XKR6: variants seen among roughly 807,000 people sequenced by gnomAD.
XKR6 encodes XK-related protein 6.
A neutral mutation model predicts 56.7 loss-of-function variants in XKR6; 22 were observed. That is an observed-to-expected ratio of 0.39 (90% CI 0.28 to 0.55). XKR6 has a LOEUF of 0.55. XKR6 is among the 20% of genes least tolerant of loss of function. The pLI is 0.66. For synonymous variants in XKR6, 524 were observed against 387.8 expected, an observed-to-expected ratio of 1.35 and a Z score of -4.13; for missense variants, 852 against 889.0, an observed-to-expected ratio of 0.96 and a Z score of 0.53.
At chr8:11,006,641 G>C (rs747874568) in intron 1 of XKR6, among the ~76,000 whole-genome samples, 32 of 152,170 alleles carry the variant, frequency 2.1e-4, no homozygotes, top group Non-Finnish European at 1.5e-4. Flanking sequence ...CCAGGGCAGT[G>C]AGGCTTGGTG....
intron 1 of XKR6, among the ~76,000 whole-genome samples, chr8:11,004,630 G>A (rs779980666): frequency 2.6e-5 from 4 of 152,208 alleles, no homozygotes; most frequent in African/African-American, 4.8e-5. Context: ...CTCATCCACA[G>A]TGGAACCCTC....
chr8:11,016,384 C>A (rs999878309), intron 1 of XKR6, among the ~76,000 whole-genome samples: 15 of 152,292 alleles, frequency 9.8e-5, no homozygotes, highest in African/African-American at 3.6e-4. Flanking sequence ...GCCGCGGGGA[C>A]GCCGGGGACT....
In XKR6 at chr8:11,133,144, G is replaced by A. The variant is rs561551232; in HGVS notation, c.764+67432C>T. On this transcript the variant is annotated intron_variant, in intron 1 of 2. Transcript: ENST00000416569. ...CATACAAGGGAGAGGGTGTGGGTAC[G>A]AGGAATTGAAACCTAAACGCACATT... 3.3e-5 allele frequency among the ~76,000 whole-genome samples: 5 copies of A among 152,246 alleles called. No individual in the cohort carries two copies. In the South Asian group the frequency reaches 8.3e-4, roughly 25 times the overall value.
At chr8:11,128,095 G>A (rs1163936022) in intron 1 of XKR6, among the ~76,000 whole-genome samples, 1 of 152,078 alleles carries the variant, frequency 6.6e-6, no homozygotes, top group Admixed American at 6.5e-5. Context: ...AATTAATACG[G>A]GACTAATTAA....
chr8:11,188,529 A>G (rs1803390095), intron 1 of XKR6, among the ~76,000 whole-genome samples: 1 of 152,172 alleles, frequency 6.6e-6, no homozygotes, highest in South Asian at 2.1e-4. Context: ...TCTAGGCCCA[A>G]CCAAAACCAC....
rs376836182 is a variant in XKR6, at chr8:10,966,814, A to T, written c.765-41984T>A. Among the ~76,000 whole-genome samples the T allele has an allele frequency of 5.2e-4, 79 of 152,328 alleles. 2 individuals are homozygous for T. The highest frequency in any genetic ancestry group is 6.8e-3 in the Middle Eastern group (2 of 294). ...AACCCTCCAGGGGATCCTGGGGCGCACTGACGTCTGAGAAGCCGTGGTCTA... is the reference window on the plus strand; with the variant it reads ...AACCCTCCAGGGGATCCTGGGGCGCTCTGACGTCTGAGAAGCCGTGGTCTA... On this transcript the variant is annotated intron_variant, in intron 1 of 2. Coordinates refer to ENST00000416569, the MANE Select transcript of XKR6 (RefSeq NM_173683.4).
chr8:11,022,776 T>C (rs1798775893), intron 1 of XKR6, among the ~76,000 whole-genome samples: 1 of 152,210 alleles, frequency 6.6e-6, no homozygotes, highest in Admixed American at 6.5e-5. Flanking sequence ...GCTGGGTCTT[T>C]TCAACTATAC....
chr8:11,068,690 CAG>C (rs998845660), intron 1 of XKR6, among the ~76,000 whole-genome samples: 1 of 152,174 alleles, frequency 6.6e-6, no homozygotes, highest in African/African-American at 2.4e-5. Flanking sequence ...TGCCTTTCAC[CAG>C]AGAGAGGCTT....
intron 1 of XKR6, among the ~76,000 whole-genome samples, chr8:11,149,983 C>T (rs1019046994): frequency 6.6e-6 from 1 of 152,132 alleles, no homozygotes; most frequent in Non-Finnish European, 1.5e-5. Flanking sequence ...CAAAGAAAGA[C>T]AAATATTGCA....
chr8:11,193,550 G>C (rs1486793887), intron 1 of XKR6, among the ~76,000 whole-genome samples: 2 of 152,040 alleles, frequency 1.3e-5, no homozygotes, highest in East Asian at 1.9e-4. Context: ...AATTCGACTA[G>C]TGTCAAAAGA....
At chr8:11,179,239 C>A (rs1416492930) in intron 1 of XKR6, among the ~76,000 whole-genome samples, 5 of 152,114 alleles carry the variant, frequency 3.3e-5, no homozygotes, top group Non-Finnish European at 5.9e-5. Flanking sequence ...AAGCATCTGG[C>A]TAGAAGACCC....
rs189913486 is a variant in XKR6, at chr8:11,147,521, T to G, written c.764+53055A>C. ...AAATACAAAAATTAGCTGGGTGTGG[T>G]GGCACGTGCCTATAGTCCCAGCTAC... On this transcript the variant is annotated intron_variant, in intron 1 of 2. Transcript: ENST00000416569. Among the ~76,000 whole-genome samples, 23 of 152,112 alleles carry G rather than the reference T, an allele frequency of 1.5e-4. No individual in the cohort carries two copies. In the South Asian group the frequency reaches 4.8e-3, roughly 32 times the overall value.
At chr8:11,040,732 C>A (rs548009514) in intron 1 of XKR6, among the ~76,000 whole-genome samples, 1 of 152,182 alleles carries the variant, frequency 6.6e-6, no homozygotes, top group Admixed American at 6.5e-5. Flanking sequence ...TGCACCTTCA[C>A]GACTGATCGC....
chr8:10,911,147 C>T (rs1194254921), intron 2 of XKR6, among the ~76,000 whole-genome samples: 2 of 149,380 alleles, frequency 1.3e-5, no homozygotes, highest in South Asian at 2.1e-4. Context: ...GTTTGTGAGC[C>T]GTGGGTAAAA....
At chr8:10,899,057 A>G in intron 2 of XKR6, 141 bp from the exon 3 acceptor site, 1 of 1,303,374 alleles carries the variant, frequency 7.7e-7, no homozygotes, top group South Asian at 1.5e-5. Context: ...CAGGAACCGA[A>G]CTTGGAGGTC....
intron 1 of XKR6, among the ~76,000 whole-genome samples, chr8:11,012,291 G>A (rs1798518122): frequency 6.6e-6 from 1 of 152,222 alleles, no homozygotes; most frequent in African/African-American, 2.4e-5. Context: ...GAACTGCTAT[G>A]CAGATAAATT....
chr8:11,091,087 G>T (rs1798053247), intron 1 of XKR6, among the ~76,000 whole-genome samples: 1 of 152,138 alleles, frequency 6.6e-6, no homozygotes, highest in South Asian at 2.1e-4. Context: ...CCAGCAGGTG[G>T]CACCAGGAAT....
intron 1 of XKR6, among the ~76,000 whole-genome samples, chr8:11,190,482 G>A (rs1220810555): frequency 6.6e-6 from 1 of 152,156 alleles, no homozygotes; most frequent in African/African-American, 2.4e-5. Context: ...CCCTGAGAAA[G>A]AGAATGGAGT....
intron 1 of XKR6, among the ~76,000 whole-genome samples, chr8:11,189,339 G>C (rs993367977): frequency 6.6e-6 from 1 of 152,150 alleles, no homozygotes; most frequent in African/African-American, 2.4e-5. Context: ...AACTTCCAAA[G>C]AAAGAAGCTT....
Sources: allele counts gnomAD v4.1 joint callset (sites outside exome capture counted in the v4.1 genomes callset), GRCh38; gene constraint gnomAD v4.1.1; transcripts MANE v1.5; gene names NCBI Gene and HGNC (gene_info 2026-07-23, HGNC 2026-07-21).